Variants in AEBP1 observed in about 807,000 individuals in gnomAD.
The protein encoded by AEBP1 is AE binding protein 1.
A neutral mutation model predicts 116.5 loss-of-function variants in AEBP1; 69 were observed. That is an observed-to-expected ratio of 0.59 (90% CI 0.49 to 0.72). The LOEUF is 0.72. AEBP1 is among the 30% of genes least tolerant of loss of function. The pLI is 0.00. For missense variants in AEBP1, 1,444 were observed against 1,557.5 expected (o/e 0.93, Z 1.23); for synonymous variants, 627 against 627.3 (o/e 1.00, Z 0.01).
rs773075478 is a variant in AEBP1 at position 44,107,699 on chromosome 7, C to T, written c.738C>T (p.Asp246=). 6.2e-7 allele frequency: 1 copy of T among 1,613,524 alleles called. No homozygotes were observed. Among genetic ancestry groups the T allele is most frequent in the Non-Finnish European group, 8.5e-7 (1 of 1,179,946 alleles). The change falls in exon 4 of 21, where the codon GAC becomes GAT. Residue 246 remains aspartate, a splice_region_variant and synonymous_variant. Transcript: ENST00000223357. The surrounding 1 kb of genome is among the most constrained non-coding windows in gnomAD (Gnocchi z 4.3). ...AGATCGAGAGGGAGGACTATGAGGA[C>T]TGTGAGTAGGGTCCTGCCAGCCCCA... is the stretch of plus-strand genomic sequence containing the variant. ...NDQIEREDYE[D]FEYIRRQKQP...
At chr7:44,109,919 G>A (rs1013651442) in intron 9 of AEBP1, 96 bp from the exon 10 acceptor site, 7 of 1,122,314 alleles carry the variant, frequency 6.2e-6, no homozygotes, top group South Asian at 1.5e-5. Flanking sequence ...CTGTGCCCCC[G>A]ATGTGCCGGG....
chr7:44,105,247 C>G (rs911022450), intron 1 of AEBP1, among the ~76,000 whole-genome samples: 1 of 152,302 alleles, frequency 6.6e-6, no homozygotes, highest in South Asian at 2.1e-4. Flanking sequence ...GCTGTGTCAC[C>G]CCCTGCCATA....
chr7:44,109,986 A>T (rs370740930), intron 9 of AEBP1, 29 bp from the exon 10 acceptor site: 30 of 1,591,798 alleles, frequency 1.9e-5, no homozygotes, highest in Non-Finnish European at 2.2e-5. Context: ...GGAGCTAGTG[A>T]GCCACCATTC....
Position 44,107,510 on chromosome 7 carries a change from G to A in AEBP1, c.667G>A (p.Glu223Lys), listed in dbSNP as rs773779720. 2.5e-6 allele frequency: 4 copies of A among 1,613,364 alleles called. No homozygotes were observed. In the African/African-American group the frequency reaches 4.0e-5, roughly 16 times the overall value. The change falls in exon 3 of 21, where the codon GAG becomes AAG. Residue 223 changes from glutamate (E) to lysine (K), a missense_variant and splice_region_variant. Coordinates refer to ENST00000223357, the MANE Select transcript of AEBP1 (RefSeq NM_001129.5). This position sits in a 1 kb window ranked among gnomAD's most constrained non-coding sequence, Gnocchi z 4.3. ...THVEAREHQP[E>K]PEEETEQPTL... is the part of the protein sequence containing the mutation. ...TGTGGAGGCACGGGAGCACCAGCCT[G>A]GTGAGTGGCCGTCATCCGCCTGGCC...
At position 44,110,750 on chromosome 7, in the gene AEBP1, G is replaced by T. The variant is rs1168723069; in HGVS notation, c.1426G>T (p.Val476Leu). 1 of 1,524,952 alleles carries T rather than the reference G, an allele frequency of 6.6e-7. No individual in the cohort carries two copies. Among genetic ancestry groups the T allele is most frequent in the Non-Finnish European group, 8.8e-7 (1 of 1,135,494 alleles). The allele number at this position is 1,524,952 out of a possible 1,614,324, so 94.5% of individuals were successfully genotyped here. A position where few individuals can be genotyped will look rare whatever the true frequency, so the allele number is the denominator to read the frequency against. The change falls in exon 12 of 21, where the codon GTG becomes TTG. Residue 476 changes from valine to leucine, a missense_variant. Val to Leu is a conservative substitution (Grantham distance 32). Transcript: ENST00000223357. ...TGACGATTTTGTGACCACCTTCTTC[G>T]TGGGCTTCAGCAATGACAGCCAGAC... ...IHDDFVTTFF[V>L]GFSNDSQTWV...
Position 44,106,885 on chromosome 7 carries a change from G to A in AEBP1, c.593G>A (p.Gly198Glu), listed in dbSNP as rs1459043514. The A allele has an allele frequency of 1.3e-6, 2 of 1,564,144 alleles. No homozygotes were observed. Among genetic ancestry groups the A allele is most frequent in the Non-Finnish European group, 1.7e-6 (2 of 1,158,102 alleles). The change falls in exon 2 of 21, where the codon GGA (glycine) becomes GAA (glutamate). Residue 198 changes from glycine (G) to glutamate (E), a missense_variant and splice_region_variant. By Grantham distance (98) the Gly-to-Glu change is moderately conservative. Transcript: ENST00000223357. ...GGCCCCGAGGAGCTACCCCAGGAGGGAGGTTTGTGCCGGGCTCCTCTGGGG... is the reference window on the plus strand; with the variant it reads ...GGCCCCGAGGAGCTACCCCAGGAGGAAGGTTTGTGCCGGGCTCCTCTGGGG... ...SPGPEELPQE[G>E]GAPLSNNWQN... is the part of the protein sequence containing the mutation.
Position 44,114,345 on chromosome 7 carries a change from C to T in AEBP1, c.*84C>T. 8 of 1,469,948 alleles carry T rather than the reference C, an allele frequency of 5.4e-6. No individual in the cohort carries two copies. Among genetic ancestry groups the T allele is most frequent in the Non-Finnish European group, 7.5e-6 (8 of 1,064,382 alleles). The allele number at this position is 1,469,948 out of a possible 1,614,324, so 91.1% of individuals were successfully genotyped here. A position where few individuals can be genotyped will look rare whatever the true frequency, so the allele number is the denominator to read the frequency against. ...GCCTGCTGACCACAGTCACATCACC[C>T]ATCAGCACATGGAAGGCCCCTGGTA... On this transcript the variant is annotated 3_prime_UTR_variant, in exon 21 of 21. Coordinates refer to ENST00000223357, the MANE Select transcript of AEBP1 (RefSeq NM_001129.5).
rs749468361 is a variant in AEBP1 at position 44,107,584 on chromosome 7, G to GGCCCCAGAGTAGGCCT, written c.668-42_668-41insCCAGAGTAGGCCTGCC. On this transcript the variant is annotated intron_variant, in intron 3 of 20. Coordinates refer to ENST00000223357, the MANE Select transcript of AEBP1 (RefSeq NM_001129.5). The surrounding 1 kb of genome is among the most constrained non-coding windows in gnomAD (Gnocchi z 4.3). ...TTGGACTGAGGGCTTCCCCAGAGTAGGCCTGGGTGGGGTTGTCAGGCAGCT... is the reference window on the plus strand; with the variant it reads ...TTGGACTGAGGGCTTCCCCAGAGTAGGCCCCAGAGTAGGCCTGCCTGGGTGGGGTTGTCAGGCAGCT... The GGCCCCAGAGTAGGCCT allele has an allele frequency of 5.6e-6, 9 of 1,613,342 alleles. No individual in the cohort carries two copies.
chr7:44,108,083 C>A lies in AEBP1; in HGVS notation c.939C>A (p.Asp313Glu). 6.3e-7 allele frequency: 1 copy of A among 1,598,796 alleles called. No individual in the cohort carries two copies. Among genetic ancestry groups the A allele is most frequent in the Non-Finnish European group, 8.5e-7 (1 of 1,173,928 alleles). The change falls in exon 6 of 21, where the codon GAC becomes GAA. Residue 313 changes from aspartate to glutamate, a missense_variant and splice_region_variant. Transcript: ENST00000223357. The surrounding 1 kb of genome is among the most constrained non-coding windows in gnomAD (Gnocchi z 5.0). The part of the protein sequence containing the change: ...GDGYVIPNYD[D>E]MDYYFGPPPP... ...GTTACGTGATCCCCAACTACGATGACAGTGAGTACCCAGCACCCCAGAGTC... is the reference window on the plus strand; with the variant it reads ...GTTACGTGATCCCCAACTACGATGAAAGTGAGTACCCAGCACCCCAGAGTC...
In AEBP1 at chr7:44,106,892, G is replaced by C; in HGVS notation, c.595+5G>C. The C allele has an allele frequency of 1.3e-6, 2 of 1,548,678 alleles. No individual in the cohort carries two copies. The highest frequency in any genetic ancestry group is 4.2e-5 in the Admixed American group (2 of 47,544). ...AGGAGCTACCCCAGGAGGGAGGTTT[G>C]TGCCGGGCTCCTCTGGGGTGATGGG... On this transcript the variant is annotated splice_donor_5th_base_variant and intron_variant, in intron 2 of 20. Coordinates refer to ENST00000223357, the MANE Select transcript of AEBP1 (RefSeq NM_001129.5).
chr7:44,114,019 G>C lies in AEBP1; in HGVS notation c.3235G>C (p.Glu1079Gln). Reference protein sequence around the residue: ...GLIPPTTAGWEESETETYTEV... With the variant: ...GLIPPTTAGWQESETETYTEV... ...CATACCGCCAACCACCGCTGGCTGG[G>C]AGGAGTCGGAGACTGAGACCTACAC... Residue 1079 changes from glutamate to glutamine, a missense_variant, in exon 21 of 21, where the codon GAG becomes CAG. Physicochemically the swap from Glu to Gln is conservative, Grantham distance 29. Transcript: ENST00000223357. The C allele has an allele frequency of 6.2e-7, 1 of 1,613,634 alleles. No individual in the cohort carries two copies. Among genetic ancestry groups the C allele is most frequent in the South Asian group, 1.1e-5 (1 of 90,988 alleles).
intron 11 of AEBP1, 142 bp downstream of exon 11, chr7:44,110,488 C>G (rs1330458778): frequency 7.8e-7 from 1 of 1,278,518 alleles, no homozygotes. Context: ...ACTCACCCTG[C>G]CCATCCCCAC....
In AEBP1 at chr7:44,112,925, A is replaced by AG. The variant is rs144604735; in HGVS notation, c.2569+20dup. ...CGGACCGGGAGTGAGTCAGCCTGGG[A>AG]GGGGCTGTGGGCGGGGCCTGGTCCG... On this transcript the variant is annotated intron_variant, in intron 18 of 20. Transcript: ENST00000223357. The surrounding 1 kb of genome is among the most constrained non-coding windows in gnomAD (Gnocchi z 6.6). 0.23 allele frequency: 378,330 copies of AG among 1,611,284 alleles called. 47,641 individuals carry two copies. Among genetic ancestry groups the AG allele is most frequent in the Admixed American group, 0.28 (16,671 of 59,956 alleles).
rs1007000975 is a variant in AEBP1 at position 44,104,395 on chromosome 7, G to A, written c.-271G>A. On this transcript the variant is annotated 5_prime_UTR_variant, in exon 1 of 21. Transcript: ENST00000223357. ...GCGCGGGAGTGCGCCACGCGGGGCC[G>A]GAGCGCCTATTAGCCGCCAGGACCT... is the stretch of plus-strand genomic sequence containing the variant. 5 of 315,006 alleles carry A rather than the reference G, an allele frequency of 1.6e-5. No individual in the cohort carries two copies. Among genetic ancestry groups the A allele is most frequent in the Non-Finnish European group, 2.9e-5 (5 of 173,388 alleles). The allele number at this position is 315,006 out of a possible 1,614,324, so 19.5% of individuals were successfully genotyped here. A position where few individuals can be genotyped will look rare whatever the true frequency, so the allele number is the denominator to read the frequency against.
intron 9 of AEBP1, chr7:44,109,569 GC>G: frequency 3.3e-6 from 2 of 600,524 alleles, no homozygotes; most frequent in Non-Finnish European, 5.8e-6. Flanking sequence ...GCTCCCCAGG[GC>G]CCCTAGTGGC....
chr7:44,110,271 A>C lies in AEBP1; in HGVS notation c.1325A>C (p.Gln442Pro). ...AWCAEDDART[Q>P]WIEVDTRRTT... ...TGTGCCGAGGACGATGCCAGGACCC[A>C]GTGGATAGAGGTGGACACCAGGAGG... The change falls in exon 11 of 21, where the codon CAG becomes CCG. Residue 442 changes from glutamine to proline, a missense_variant. Transcript: ENST00000223357. 6.2e-7 allele frequency: 1 copy of C among 1,613,732 alleles called. No individual in the cohort carries two copies. The highest frequency in any genetic ancestry group is 8.5e-7 in the Non-Finnish European group (1 of 1,179,990).
In AEBP1 at chr7:44,104,459, G is replaced by T; in HGVS notation, c.-207G>T. 2.4e-6 allele frequency: 1 copy of T among 420,704 alleles called. No individual in the cohort carries two copies. The highest frequency in any genetic ancestry group is 4.1e-6 in the Non-Finnish European group (1 of 241,878). The allele number at this position is 420,704 out of a possible 1,614,324, so 26.1% of individuals were successfully genotyped here. On this transcript the variant is annotated 5_prime_UTR_variant, in exon 1 of 21. Transcript: ENST00000223357. ...CCACCCCTGAGCCCCTCTGGCTTCG[G>T]AGCCCCCCAGCACCCCTTCCCGGGT...
chr7:44,104,836 G>A lies in AEBP1; in HGVS notation c.171G>A (p.Pro57=), dbSNP rs1229959617. ...CCCGGGAGGACGACGTGGAGGCCCC[G>A]CCGCCTCCCGAGCCCACCCCGCGGG... The part of the protein sequence containing the change: ...PEPREDDVEA[P]PPPEPTPRVR... Residue 57 remains proline (P), a synonymous_variant, in exon 1 of 21, where the codon CCG becomes CCA. Coordinates refer to ENST00000223357, the MANE Select transcript of AEBP1 (RefSeq NM_001129.5). The A allele has an allele frequency of 1.3e-6, 2 of 1,589,934 alleles. No individual in the cohort carries two copies. The highest frequency in any genetic ancestry group is 8.6e-7 in the Non-Finnish European group (1 of 1,169,340).
Position 44,110,044 on chromosome 7 carries a change from C to T in AEBP1, c.1180C>T (p.Arg394Cys), listed in dbSNP as rs754319273. The T allele has an allele frequency of 8.7e-6, 14 of 1,612,968 alleles. No individual in the cohort carries two copies. Among genetic ancestry groups the T allele is most frequent in the Admixed American group, 1.7e-5 (1 of 60,024 alleles). The change falls in exon 10 of 21, where the codon CGT becomes TGT. Residue 394 changes from arginine to cysteine, a missense_variant. Transcript: ENST00000223357. ...KCPPIGMESHRIEDNQIRASS... is the reference protein window; with the variant it reads ...KCPPIGMESHCIEDNQIRASS... ...TCCCCCCATTGGGATGGAGTCACACCGTATTGAGGACAACCAGATCCGAGC... is the reference window on the plus strand; with the variant it reads ...TCCCCCCATTGGGATGGAGTCACACTGTATTGAGGACAACCAGATCCGAGC...
Sources: gnomAD v4.1 joint callset for allele counts (sites outside exome capture counted in the v4.1 genomes callset) on GRCh38, gnomAD v4.1.1 for gene constraint, Gnocchi (gnomAD v3.1) non-coding constraint, MANE v1.5 for transcripts, NCBI Gene and HGNC (gene_info 2026-07-23, HGNC 2026-07-21) for gene names.